ZBTB7C: variants seen among roughly 807,000 people sequenced by gnomAD.
ZBTB7C encodes the protein zinc finger and BTB domain-containing protein 7C.
Under a neutral mutation model 25.7 loss-of-function variants are expected in ZBTB7C, and 8 were observed. The ratio of observed to expected loss-of-function variants is 0.31; its 90% CI spans 0.18 to 0.56. The LOEUF is 0.56. Ranked by LOEUF, ZBTB7C falls within the 20% of genes least tolerant of loss-of-function variation. ZBTB7C has a pLI of 0.91. For missense variants in ZBTB7C, 824 were observed against 855.2 expected (o/e 0.96, Z 0.46); for synonymous variants, 394 against 369.0 (o/e 1.07, Z -0.78).
chr18:48,115,910 T>C (rs2039422084), intron 3 of ZBTB7C, among the ~76,000 whole-genome samples: 1 of 151,966 alleles, frequency 6.6e-6, no homozygotes, highest in African/African-American at 2.4e-5. Context: ...GGGCATACCA[T>C]GGAGGAGGGA....
chr18:48,059,487 C>G (rs1263213031), intron 3 of ZBTB7C, among the ~76,000 whole-genome samples: 1 of 152,144 alleles, frequency 6.6e-6, no homozygotes, highest in Non-Finnish European at 1.5e-5. Flanking sequence ...CACTGGCACA[C>G]TGGAGCATTC....
At chr18:48,257,777 T>C (rs1051701721) in intron 2 of ZBTB7C, among the ~76,000 whole-genome samples, 1 of 149,054 alleles carries the variant, frequency 6.7e-6, no homozygotes, top group African/African-American at 2.5e-5. Flanking sequence ...GGCGCTGTAT[T>C]AACAAGCTGA....
At chr18:48,304,094 G>T (rs190874155) in intron 2 of ZBTB7C, among the ~76,000 whole-genome samples, 34 of 152,248 alleles carry the variant, frequency 2.2e-4, no homozygotes, top group African/African-American at 7.7e-4. Flanking sequence ...AACCCAGGGG[G>T]TCTGGGCCAG....
chr18:48,231,307 A>G (rs1461707126), intron 2 of ZBTB7C, among the ~76,000 whole-genome samples: 1 of 152,118 alleles, frequency 6.6e-6, no homozygotes, highest in Admixed American at 6.5e-5. Flanking sequence ...GACCAATCAG[A>G]GTGCACTTTC....
At chr18:48,204,327 C>G (rs756847738) in intron 2 of ZBTB7C, among the ~76,000 whole-genome samples, 1 of 152,186 alleles carries the variant, frequency 6.6e-6, no homozygotes, top group African/African-American at 2.4e-5. Flanking sequence ...CCATTCCACA[C>G]GGATCTTTTT....
At chr18:48,279,140 G>A (rs2044755048) in intron 2 of ZBTB7C, among the ~76,000 whole-genome samples, 1 of 152,046 alleles carries the variant, frequency 6.6e-6, no homozygotes, top group Non-Finnish European at 1.5e-5. Flanking sequence ...CAGCACCATG[G>A]AGACGGTCCC....
intron 3 of ZBTB7C, chr18:48,147,752 A>T (rs1415051661): frequency 6.6e-6 from 1 of 151,286 alleles, no homozygotes; most frequent in African/African-American, 2.4e-5. Flanking sequence ...AGTAGCTGGG[A>T]TTACAGACGT....
chr18:48,270,675 G>A (rs1468169225), intron 2 of ZBTB7C, among the ~76,000 whole-genome samples: 4 of 145,548 alleles, frequency 2.7e-5, no homozygotes, highest in African/African-American at 1.0e-4. Context: ...GGGCCACAGA[G>A]TGAGACTCTG....
At chr18:48,038,446 A>G (rs1200077164) in intron 4 of ZBTB7C, among the ~76,000 whole-genome samples, 4 of 151,948 alleles carry the variant, frequency 2.6e-5, no homozygotes, top group Admixed American at 6.6e-5. Flanking sequence ...TTTCAGCCAC[A>G]CCAGTGTCAC....
intron 2 of ZBTB7C, among the ~76,000 whole-genome samples, chr18:48,313,077 G>A (rs527462762): frequency 4.3e-4 from 66 of 152,246 alleles, no homozygotes; most frequent in Non-Finnish European, 6.5e-4. Context: ...TCCTCCTTTT[G>A]TTATAACTAT....
At chr18:48,315,999 A>G in intron 2 of ZBTB7C, among the ~76,000 whole-genome samples, 1 of 152,100 alleles carries the variant, frequency 6.6e-6, no homozygotes, top group East Asian at 1.9e-4. Flanking sequence ...TCAGAGAGCC[A>G]CAGCATCAAC....
chr18:48,384,814 C>T (rs1005554160), intron 1 of ZBTB7C, among the ~76,000 whole-genome samples: 11 of 151,908 alleles, frequency 7.2e-5, no homozygotes, highest in Non-Finnish European at 1.2e-4. Context: ...CCCGAATAGC[C>T]AGGTTTACAG....
intron 3 of ZBTB7C, among the ~76,000 whole-genome samples, chr18:48,095,762 G>A (rs1448634394): frequency 7.2e-6 from 1 of 138,056 alleles, no homozygotes. Context: ...TATTGGGTGA[G>A]AGAATGGATG....
Position 48,029,680 on chromosome 18 carries a change from G to T in ZBTB7C, c.1440C>A (p.Gly480=). The change falls in exon 5 of 5, where the codon GGC becomes GGA. Residue 480 remains glycine, a synonymous_variant. Coordinates refer to ENST00000590800, the MANE Select transcript of ZBTB7C (RefSeq NM_001318841.2). The stretch of plus-strand genomic sequence containing the variant: ...CGGCCCTCCACGCAGCAGGCTTGCG[G>T]CCGCGTCGGGGCCGTGCCATGCGGC... ...QSCRMARPRR[G]RKPAAWRAAS... is the part of the protein sequence containing the mutation. The T allele has an allele frequency of 6.3e-7, 1 of 1,578,306 alleles. No homozygotes were observed.
intron 2 of ZBTB7C, among the ~76,000 whole-genome samples, chr18:48,318,999 G>C (rs1297359764): frequency 6.6e-6 from 1 of 152,224 alleles, no homozygotes; most frequent in Non-Finnish European, 1.5e-5. Context: ...GAGATGGACA[G>C]AGGGCTATGG....
Position 48,274,691 on chromosome 18 carries a change from G to T in ZBTB7C, c.-79+63483C>A, listed in dbSNP as rs553851820. On this transcript the variant is annotated intron_variant, in intron 2 of 4. Transcript: ENST00000590800. ...TTGGAACCAAATTCTGCCAAGTCTG[G>T]CTGTAAAATACATCTCAGTTCCATC... is the stretch of plus-strand genomic sequence containing the variant. Among the ~76,000 whole-genome samples the T allele has an allele frequency of 7.7e-4, 117 of 152,298 alleles. 1 individual carries two copies. Among genetic ancestry groups the T allele is most frequent in the African/African-American group, 2.7e-3 (112 of 41,558 alleles).
chr18:48,117,583 T>C (rs577480464), intron 3 of ZBTB7C, among the ~76,000 whole-genome samples: 10 of 152,316 alleles, frequency 6.6e-5, no homozygotes, highest in Admixed American at 3.9e-4. Flanking sequence ...AGACCTTCAC[T>C]GGATGGTTGT....
intron 2 of ZBTB7C, among the ~76,000 whole-genome samples, chr18:48,298,737 G>A (rs1426618749): frequency 6.6e-6 from 1 of 152,194 alleles, no homozygotes. Context: ...CCTCAGCAGG[G>A]TAGGCCAGTG....
intron 2 of ZBTB7C, among the ~76,000 whole-genome samples, chr18:48,334,931 C>T (rs1475970027): frequency 6.6e-6 from 1 of 152,298 alleles, no homozygotes; most frequent in South Asian, 2.1e-4. Context: ...CCTCACTCCA[C>T]TGGAGTGCAG....
Sources: gnomAD v4.1 joint callset for allele counts (sites outside exome capture counted in the v4.1 genomes callset) on GRCh38, gnomAD v4.1.1 for gene constraint, MANE v1.5 for transcripts, NCBI Gene and HGNC (gene_info 2026-07-23, HGNC 2026-07-21) for gene names.